PDLIM5: variants seen among roughly 807,000 people sequenced by gnomAD.
PDLIM5 encodes PDZ and LIM domain protein 5.
A neutral mutation model predicts 64.2 loss-of-function variants in PDLIM5; 34 were observed. That is an observed-to-expected ratio of 0.53 (90% CI 0.40 to 0.71). The LOEUF (loss-of-function observed/expected upper bound fraction) is 0.71. Among genes scored for constraint, PDLIM5 ranks in the 30% least tolerant of loss-of-function variants. The pLI is 0.00. For synonymous variants in PDLIM5, 253 were observed against 269.1 expected (o/e 0.94, Z 0.59); for missense variants, 683 against 733.6 (o/e 0.93, Z 0.80).
intron 2 of PDLIM5, among the ~76,000 whole-genome samples, chr4:94,501,637 A>G (rs891593791): frequency 3.3e-5 from 5 of 152,190 alleles, no homozygotes; most frequent in Admixed American, 2.6e-4. Flanking sequence ...GTATTTTACT[A>G]AAGTATTAGC....
chr4:94,611,485 A>C (rs900474274), intron 7 of PDLIM5, among the ~76,000 whole-genome samples: 2 of 152,170 alleles, frequency 1.3e-5, no homozygotes, highest in African/African-American at 4.8e-5. Context: ...ATTGCAGTAG[A>C]ATTTCTGTCT....
intron 8 of PDLIM5, among the ~76,000 whole-genome samples, chr4:94,621,872 T>C (rs1739264825): frequency 6.6e-6 from 1 of 152,200 alleles, no homozygotes; most frequent in Non-Finnish European, 1.5e-5. Flanking sequence ...CATTATACAT[T>C]ATATAACATT....
intron 7 of PDLIM5, among the ~76,000 whole-genome samples, chr4:94,594,051 A>T (rs568783438): frequency 6.6e-6 from 1 of 152,322 alleles, no homozygotes; most frequent in East Asian, 1.9e-4. Flanking sequence ...CGTGGCACAC[A>T]CTATCTCTAA....
At chr4:94,487,000 C>T (rs1381730691) in intron 2 of PDLIM5, among the ~76,000 whole-genome samples, 2 of 151,956 alleles carry the variant, frequency 1.3e-5, no homozygotes, top group Admixed American at 1.3e-4. Context: ...AAGACCCTGT[C>T]TCTTAAAAAA....
At chr4:94,624,191 GC>G (rs1739481645) in intron 8 of PDLIM5, among the ~76,000 whole-genome samples, 1 of 151,842 alleles carries the variant, frequency 6.6e-6, no homozygotes, top group African/African-American at 2.4e-5. Context: ...GGTGGTGCAC[GC>G]CTATGGTCCC....
At chr4:94,635,848 G>A (rs1269593311) in intron 8 of PDLIM5, among the ~76,000 whole-genome samples, 2 of 152,168 alleles carry the variant, frequency 1.3e-5, no homozygotes, top group African/African-American at 2.4e-5. Flanking sequence ...TTGTTCATAC[G>A]GGAAATAGCT....
At chr4:94,578,430 G>A (rs1194279235) in intron 5 of PDLIM5, among the ~76,000 whole-genome samples, 2 of 152,146 alleles carry the variant, frequency 1.3e-5, no homozygotes, top group African/African-American at 4.8e-5. Flanking sequence ...TTTCAGGCAA[G>A]TTACTGCTTT....
At chr4:94,648,805 A>G (rs1449560167) in intron 9 of PDLIM5, among the ~76,000 whole-genome samples, 2 of 152,122 alleles carry the variant, frequency 1.3e-5, no homozygotes, top group African/African-American at 4.8e-5. Flanking sequence ...CCCACCTTAG[A>G]CAGTTCACAA....
chr4:94,463,741 GT>G (rs1429170440), intron 2 of PDLIM5, among the ~76,000 whole-genome samples: 1 of 152,180 alleles, frequency 6.6e-6, no homozygotes, highest in African/African-American at 2.4e-5. Context: ...TGTATGTGTG[GT>G]TTTGAATTCT....
At chr4:94,492,199 A>G (rs755202000) in intron 2 of PDLIM5, among the ~76,000 whole-genome samples, 2 of 151,102 alleles carry the variant, frequency 1.3e-5, no homozygotes, top group Admixed American at 6.6e-5. Flanking sequence ...AGGATCTTCA[A>G]TGTGTTTGCT....
chr4:94,623,530 A>T (rs896598515), intron 8 of PDLIM5, among the ~76,000 whole-genome samples: 22 of 152,134 alleles, frequency 1.4e-4, no homozygotes, highest in Non-Finnish European at 7.3e-5. Flanking sequence ...TATAGCATTC[A>T]TCCTGTTCAT....
At chr4:94,660,728 A>AC (rs1463024631) in intron 11 of PDLIM5, among the ~76,000 whole-genome samples, 1 of 152,136 alleles carries the variant, frequency 6.6e-6, no homozygotes, top group African/African-American at 2.4e-5. Flanking sequence ...CTAAAGATTG[A>AC]CAATTGCCAA....
intron 2 of PDLIM5, among the ~76,000 whole-genome samples, chr4:94,495,456 C>T (rs949489051): frequency 7.2e-5 from 11 of 151,768 alleles, no homozygotes; most frequent in Non-Finnish European, 4.4e-5. Context: ...CAGATGTTGA[C>T]CTTAACAACA....
At chr4:94,507,032 A>G (rs987214590) in intron 2 of PDLIM5, among the ~76,000 whole-genome samples, 1 of 152,060 alleles carries the variant, frequency 6.6e-6, no homozygotes, top group African/African-American at 2.4e-5. Context: ...AATTAACACC[A>G]GTGGTTTGCT....
chr4:94,498,461 A>G (rs1480484836), intron 2 of PDLIM5, among the ~76,000 whole-genome samples: 2 of 150,924 alleles, frequency 1.3e-5, no homozygotes, highest in Non-Finnish European at 2.9e-5. Context: ...CTCCTAGACT[A>G]GTTGAGACAT....
chr4:94,569,815 C>T (rs1327170811), intron 3 of PDLIM5, among the ~76,000 whole-genome samples: 1 of 152,124 alleles, frequency 6.6e-6, no homozygotes, highest in Non-Finnish European at 1.5e-5. Flanking sequence ...GCTTGAATTG[C>T]TTGCTACTTG....
At chr4:94,457,013 T>C (rs1343120561) in intron 2 of PDLIM5, 10 of 965,436 alleles carry the variant, frequency 1.0e-5, no homozygotes, top group Non-Finnish European at 9.9e-6. Flanking sequence ...GTTAGTTGTT[T>C]CTTTAATCAG....
intron 3 of PDLIM5, among the ~76,000 whole-genome samples, chr4:94,544,155 C>T (rs192443389): frequency 7.2e-5 from 11 of 152,206 alleles, no homozygotes; most frequent in Admixed American, 1.3e-4. Context: ...CTTGTCTCTT[C>T]CTCTTAGTCT....
At chr4:94,544,885 T>A (rs1732171343) in intron 3 of PDLIM5, among the ~76,000 whole-genome samples, 1 of 152,234 alleles carries the variant, frequency 6.6e-6, no homozygotes, top group African/African-American at 2.4e-5. Context: ...TGCATGAGAT[T>A]TATTGATGAA....
Sources: gnomAD v4.1 joint callset for allele counts (sites outside exome capture counted in the v4.1 genomes callset) on GRCh38, gnomAD v4.1.1 for gene constraint, MANE v1.5 for transcripts, NCBI Gene and HGNC (gene_info 2026-07-23, HGNC 2026-07-21) for gene names.